DAB1: variants seen among roughly 807,000 people sequenced by gnomAD.
DAB1 encodes the protein DAB adaptor protein 1.
DAB1 carries 15 observed loss-of-function variants against 64.6 expected under a neutral mutation model. The observed-to-expected ratio is 0.23, with a 90% CI of 0.16 to 0.36. The LOEUF (loss-of-function observed/expected upper bound fraction) is 0.36, where lower values mean the gene tolerates loss of function less well. DAB1 is among the 10% of genes least tolerant of loss of function. The probability of loss-of-function intolerance (pLI) is 1.00; values close to 1 mark genes in which losing one functional copy is unlikely to be tolerated. For missense variants in DAB1, 596 were observed against 706.7 expected, an observed-to-expected ratio of 0.84 and a Z score of 1.78; for synonymous variants, 235 against 251.9, an observed-to-expected ratio of 0.93 and a Z score of 0.64.
intron 5 of DAB1, among the ~76,000 whole-genome samples, chr1:58,068,792 A>C (rs1490382975): frequency 6.6e-6 from 1 of 151,940 alleles, no homozygotes; most frequent in African/African-American, 2.4e-5. Context: ...CAAAAAAAAA[A>C]AAGAAAGCAT....
chr1:57,588,294 G>T (rs919876098), intron 7 of DAB1, among the ~76,000 whole-genome samples: 1 of 152,162 alleles, frequency 6.6e-6, no homozygotes, highest in East Asian at 1.9e-4. Flanking sequence ...ACCACCAAAG[G>T]CATGGTGTTT....
At chr1:57,656,097 T>G (rs1157807263) in intron 6 of DAB1, among the ~76,000 whole-genome samples, 1 of 152,122 alleles carries the variant, frequency 6.6e-6, no homozygotes, top group Non-Finnish European at 1.5e-5. Context: ...TACAGAGAGT[T>G]CTCTCACTCT....
chr1:57,737,113 G>C (rs910407039), intron 6 of DAB1, among the ~76,000 whole-genome samples: 1 of 152,214 alleles, frequency 6.6e-6, no homozygotes, highest in Admixed American at 6.5e-5. Context: ...GTGGCTTCCG[G>C]TGGAGGCATC....
intron 5 of DAB1, among the ~76,000 whole-genome samples, chr1:57,907,277 T>C (rs1202796): frequency 0.65 from 99,093 of 152,018 alleles, 32,894 homozygotes; most frequent in African/African-American, 0.78. Context: ...GCACACAGCA[T>C]AGGTATCTGG....
chr1:57,615,700 GA>G (rs5774363), intron 7 of DAB1, among the ~76,000 whole-genome samples: 1 of 151,218 alleles, frequency 6.6e-6, no homozygotes, highest in Admixed American at 6.6e-5. Flanking sequence ...TTGAGTCAAA[GA>G]AAAAAAAGTT....
At chr1:57,612,850 G>C (rs1004481663) in intron 7 of DAB1, among the ~76,000 whole-genome samples, 6 of 151,966 alleles carry the variant, frequency 3.9e-5, no homozygotes, top group Non-Finnish European at 8.8e-5. Context: ...TCCTAGAATA[G>C]TGCTTAGATC....
chr1:57,422,939 C>T (rs562217787), intron 1 of DAB1, among the ~76,000 whole-genome samples: 2 of 152,262 alleles, frequency 1.3e-5, no homozygotes, highest in African/African-American at 2.4e-5. Context: ...CAATAATACT[C>T]CTCGGGACGC....
At chr1:57,508,134 C>T (rs952844062) in intron 7 of DAB1, among the ~76,000 whole-genome samples, 3 of 152,126 alleles carry the variant, frequency 2.0e-5, no homozygotes, top group Non-Finnish European at 4.4e-5. Flanking sequence ...CCTCACATCC[C>T]GGGGGTAACC....
At chr1:57,450,674 CAT>C (rs1490588914) in intron 7 of DAB1, among the ~76,000 whole-genome samples, 1 of 152,218 alleles carries the variant, frequency 6.6e-6, no homozygotes, top group African/African-American at 2.4e-5. Flanking sequence ...ATGAATAAAA[CAT>C]GTGCAGTCTG....
chr1:57,987,739 C>T (rs1016470520), intron 5 of DAB1, among the ~76,000 whole-genome samples: 1 of 152,140 alleles, frequency 6.6e-6, no homozygotes, highest in Non-Finnish European at 1.5e-5. Flanking sequence ...CCTGCCTCTG[C>T]TGGCGCTCAG....
chr1:57,932,489 T>G (rs1202767), intron 5 of DAB1, among the ~76,000 whole-genome samples: 25,993 of 150,308 alleles, frequency 0.17, 3,581 homozygotes, highest in African/African-American at 0.38. Context: ...TTTTTTGTAT[T>G]TTTAGTAGAG....
chr1:57,010,806 A>G lies in DAB1; in HGVS notation c.1573-16T>C. 1 of 1,527,084 alleles carries G rather than the reference A, an allele frequency of 6.5e-7. No homozygotes were observed. Among genetic ancestry groups the G allele is most frequent in the South Asian group, 1.3e-5 (1 of 79,412 alleles). 94.6% of individuals were successfully genotyped at this position (1,527,084 alleles called of 1,614,324 possible). Reference sequence around the variant, plus strand: ...ATCCATCAGGCTAGAACACAAGAAGATAATACTTTTTTTTTTCTCTCTTTT... The same window carrying G: ...ATCCATCAGGCTAGAACACAAGAAGGTAATACTTTTTTTTTTCTCTCTTTT... On this transcript the variant is annotated splice_polypyrimidine_tract_variant and intron_variant, in intron 13 of 14. Transcript: ENST00000371236.
chr1:57,212,806 G>A (rs1666130302), intron 2 of DAB1, among the ~76,000 whole-genome samples: 1 of 152,174 alleles, frequency 6.6e-6, no homozygotes, highest in Non-Finnish European at 1.5e-5. Flanking sequence ...TAGGTGCCCT[G>A]TCTTTCTCAA....
chr1:57,490,609 T>C (rs1011061112), intron 7 of DAB1, among the ~76,000 whole-genome samples: 3 of 152,240 alleles, frequency 2.0e-5, no homozygotes, highest in African/African-American at 7.2e-5. Context: ...ACACTTGTTC[T>C]GGTTTCAGTT....
At chr1:57,226,672 AATATATATAT>A (rs61660460) in intron 2 of DAB1, among the ~76,000 whole-genome samples, 1 of 136,016 alleles carries the variant, frequency 7.4e-6, no homozygotes, top group African/African-American at 3.1e-5. Flanking sequence ...TTAAAAAAAA[AATATATATAT>A]ATATATATAT....
At chr1:57,305,527 T>G (rs61767400) in intron 1 of DAB1, among the ~76,000 whole-genome samples, 1 of 151,818 alleles carries the variant, frequency 6.6e-6, no homozygotes, top group Non-Finnish European at 1.5e-5. Flanking sequence ...CCTGGAGGGG[T>G]GAGCAGAAGA....
intron 2 of DAB1, among the ~76,000 whole-genome samples, chr1:58,515,751 A>G (rs540636034): frequency 2.6e-5 from 4 of 152,338 alleles, no homozygotes; most frequent in Non-Finnish European, 5.9e-5. Flanking sequence ...AACCTGAAAA[A>G]TAAGAACTAA....
intron 3 of DAB1, among the ~76,000 whole-genome samples, chr1:57,138,579 C>T (rs1367604060): frequency 1.3e-5 from 2 of 152,160 alleles, no homozygotes; most frequent in African/African-American, 4.8e-5. Flanking sequence ...AGTTCTCTGT[C>T]TCTTCAATCC....
chr1:58,103,830 A>C (rs1410534362), intron 5 of DAB1, among the ~76,000 whole-genome samples: 3 of 151,998 alleles, frequency 2.0e-5, no homozygotes, highest in Non-Finnish European at 4.4e-5. Context: ...CTTTTTGTCC[A>C]TTCCTCCAAT....
Sources: allele counts gnomAD v4.1 joint callset (sites outside exome capture counted in the v4.1 genomes callset), GRCh38; gene constraint gnomAD v4.1.1; transcripts MANE v1.5; gene names NCBI Gene and HGNC (gene_info 2026-07-23, HGNC 2026-07-21).